The following KCNIP4 variants were observed in gnomAD, a reference collection of about 807,000 sequenced individuals.
KCNIP4 encodes potassium voltage-gated channel interacting protein 4.
KCNIP4 carries 12 observed loss-of-function variants against 34.0 expected under a neutral mutation model. The ratio of observed to expected loss-of-function variants is 0.35; its 90% CI spans 0.23 to 0.57. The LOEUF is 0.57. Ranked by LOEUF, KCNIP4 falls within the 20% of genes least tolerant of loss-of-function variation. The pLI, the probability that KCNIP4 is intolerant of heterozygous loss-of-function variation, is 0.83. For missense variants in KCNIP4, 238 were observed against 311.7 expected (o/e 0.76, Z 1.78); for synonymous variants, 124 against 102.2 (o/e 1.21, Z -1.29).
chr4:21,093,590 G>A (rs1240383045), intron 1 of KCNIP4, among the ~76,000 whole-genome samples: 3 of 152,114 alleles, frequency 2.0e-5, no homozygotes, highest in Non-Finnish European at 4.4e-5. Context: ...ATTTGGCCAA[G>A]CTAAATCAAA....
intron 1 of KCNIP4, among the ~76,000 whole-genome samples, chr4:21,905,148 C>A (rs1366212294): frequency 1.3e-5 from 2 of 152,114 alleles, no homozygotes; most frequent in Admixed American, 1.3e-4. Flanking sequence ...AGATACAATT[C>A]TTTTGGGCAA....
intron 1 of KCNIP4, among the ~76,000 whole-genome samples, chr4:21,323,409 G>A (rs79794643): frequency 0.028 from 4,284 of 151,808 alleles, 96 homozygotes; most frequent in Non-Finnish European, 0.047. Flanking sequence ...CATTCTCCCA[G>A]CCCCAGTACC....
chr4:21,615,384 CA>C (rs11463024), intron 1 of KCNIP4, among the ~76,000 whole-genome samples: 102 of 143,016 alleles, frequency 7.1e-4, no homozygotes, highest in Non-Finnish European at 9.5e-4. Context: ...ACTAAAAATA[CA>C]AAAAAAAAAA....
At chr4:21,024,648 C>G (rs1268298439) in intron 1 of KCNIP4, among the ~76,000 whole-genome samples, 1 of 152,166 alleles carries the variant, frequency 6.6e-6, no homozygotes, top group Non-Finnish European at 1.5e-5. Flanking sequence ...CTATTATTCT[C>G]TGTACTAATT....
intron 1 of KCNIP4, among the ~76,000 whole-genome samples, chr4:21,683,399 A>G (rs1270459017): frequency 6.7e-6 from 1 of 149,872 alleles, no homozygotes; most frequent in Non-Finnish European, 1.5e-5. Flanking sequence ...TGAACCTAAC[A>G]TAAGTAACTT....
chr4:21,702,685 T>A (rs1712955102), intron 1 of KCNIP4, among the ~76,000 whole-genome samples: 1 of 151,960 alleles, frequency 6.6e-6, no homozygotes, highest in South Asian at 2.1e-4. Flanking sequence ...AAAGAAGAAT[T>A]AACACTAATT....
At chr4:21,535,828 G>A (rs1737117852) in intron 1 of KCNIP4, among the ~76,000 whole-genome samples, 1 of 152,058 alleles carries the variant, frequency 6.6e-6, no homozygotes, top group African/African-American at 2.4e-5. Flanking sequence ...TTCAAAGATA[G>A]GCATGTGGAT....
At chr4:21,376,246 A>T (rs1001019907) in intron 1 of KCNIP4, among the ~76,000 whole-genome samples, 1 of 152,160 alleles carries the variant, frequency 6.6e-6, no homozygotes, top group Non-Finnish European at 1.5e-5. Context: ...ACCTAATATA[A>T]TCTTCTCCAA....
intron 1 of KCNIP4, among the ~76,000 whole-genome samples, chr4:21,082,776 T>C (rs1746108804): frequency 6.6e-6 from 1 of 151,822 alleles, no homozygotes. Flanking sequence ...AATATGCTCA[T>C]GATAACAATA....
chr4:21,844,606 CT>C (rs1352309848), intron 1 of KCNIP4: 2 of 152,012 alleles, frequency 1.3e-5, no homozygotes, highest in African/African-American at 4.8e-5. Flanking sequence ...TTGAATCCTG[CT>C]TCCTTTTCCA....
chr4:21,374,338 G>A (rs1720770322), intron 1 of KCNIP4, among the ~76,000 whole-genome samples: 1 of 147,152 alleles, frequency 6.8e-6, no homozygotes, highest in Admixed American at 6.6e-5. Context: ...AACTTACATG[G>A]CAGCAGGCAA....
At chr4:21,123,751 C>A (rs1166312680) in intron 1 of KCNIP4, among the ~76,000 whole-genome samples, 4 of 152,066 alleles carry the variant, frequency 2.6e-5, no homozygotes, top group Non-Finnish European at 4.4e-5. Context: ...GGGGCCCTCG[C>A]AATGGGATTA....
chr4:21,278,443 A>G (rs112103637), intron 1 of KCNIP4, among the ~76,000 whole-genome samples: 2,747 of 152,268 alleles, frequency 0.018, 27 homozygotes, highest in South Asian at 0.025. Context: ...ATAAGTGAGA[A>G]CATGTGGTAA....
chr4:20,767,662 T>C (rs1050275242), intron 3 of KCNIP4, among the ~76,000 whole-genome samples: 1 of 152,308 alleles, frequency 6.6e-6, no homozygotes, highest in East Asian at 1.9e-4. Flanking sequence ...AATTATAATA[T>C]TGTCCACTCC....
intron 1 of KCNIP4, among the ~76,000 whole-genome samples, chr4:21,123,718 G>A (rs1750363644): frequency 6.6e-6 from 1 of 152,092 alleles, no homozygotes; most frequent in Non-Finnish European, 1.5e-5. Flanking sequence ...GAGGTTATTG[G>A]GTTGAGATAA....
At chr4:21,589,161 T>TATATATAC (rs1243088646) in intron 1 of KCNIP4, among the ~76,000 whole-genome samples, 1 of 34,110 alleles carries the variant, frequency 2.9e-5, no homozygotes, top group African/African-American at 1.0e-4. Flanking sequence ...GGTGTGTATA[T>TATATATAC]ATATATATAT....
chr4:21,092,802 C>T (rs1747117353), intron 1 of KCNIP4, among the ~76,000 whole-genome samples: 1 of 152,216 alleles, frequency 6.6e-6, no homozygotes, highest in South Asian at 2.1e-4. Flanking sequence ...CTCAAGAACT[C>T]ACCGGCTTGC....
chr4:21,568,870 T>C (rs1740130082), intron 1 of KCNIP4, among the ~76,000 whole-genome samples: 1 of 152,124 alleles, frequency 6.6e-6, no homozygotes, highest in East Asian at 1.9e-4. Flanking sequence ...TATTCATCTA[T>C]CCTGTTAGTT....
At chr4:21,911,811 G>A (rs148427099) in intron 1 of KCNIP4, among the ~76,000 whole-genome samples, 3 of 151,918 alleles carry the variant, frequency 2.0e-5, no homozygotes, top group Non-Finnish European at 2.9e-5. Flanking sequence ...GTCTTCATCA[G>A]TACAGACACG....
Sources: allele counts gnomAD v4.1 joint callset (sites outside exome capture counted in the v4.1 genomes callset), GRCh38; gene constraint gnomAD v4.1.1; transcripts MANE v1.5; gene names NCBI Gene and HGNC (gene_info 2026-07-23, HGNC 2026-07-21).